Variants in ODF2L observed in about 807,000 individuals in gnomAD.
ODF2L encodes outer dense fiber of sperm tails 2 like.
ODF2L carries 76 observed loss-of-function variants against 86.3 expected under a neutral mutation model. That is an observed-to-expected ratio of 0.88 (90% CI 0.73 to 1.07). ODF2L has a LOEUF of 1.07. ODF2L is among the 50% of genes least tolerant of loss of function. ODF2L has a pLI of 0.00. For synonymous variants in ODF2L, 241 were observed against 231.3 expected, an observed-to-expected ratio of 1.04 and a Z score of -0.38; for missense variants, 748 against 717.4, an observed-to-expected ratio of 1.04 and a Z score of -0.49.
At chr1:86,395,044 C>A (rs897533924) in intron 1 of ODF2L, among the ~76,000 whole-genome samples, 1 of 151,986 alleles carries the variant, frequency 6.6e-6, no homozygotes, top group African/African-American at 2.4e-5. Context: ...GGGGTTTCAC[C>A]GTGTTGGCCA....
At chr1:86,359,159 G>C (rs186623454) in intron 12 of ODF2L, among the ~76,000 whole-genome samples, 1 of 151,410 alleles carries the variant, frequency 6.6e-6, no homozygotes, top group Non-Finnish European at 1.5e-5. Flanking sequence ...TTCATTTGCA[G>C]ATCAATGTCA....
chr1:86,394,966 G>A (rs1323837006), intron 1 of ODF2L, among the ~76,000 whole-genome samples: 1 of 149,432 alleles, frequency 6.7e-6, no homozygotes, highest in Non-Finnish European at 1.5e-5. Context: ...TCAGCCTCCC[G>A]AGTAGCTGGG....
At position 86,367,223 on chromosome 1, in the gene ODF2L, C is replaced by T. The variant is rs76108653; in HGVS notation, c.1143+1413G>A. On this transcript the variant is annotated intron_variant, in intron 11 of 17. Transcript: ENST00000317336. Reference sequence around the variant, plus strand: ...ATTACTTTCAATCTAGGTTGCTATACCCAGCTGAAACCATTAATCATAATG... The same window carrying T: ...ATTACTTTCAATCTAGGTTGCTATATCCAGCTGAAACCATTAATCATAATG... 6.5e-4 allele frequency among the ~76,000 whole-genome samples: 97 copies of T among 149,008 alleles called. 1 individual carries two copies. In the East Asian group the frequency reaches 0.023, roughly 36 times the overall value.
chr1:86,380,575 T>C (rs1660512013), intron 7 of ODF2L, among the ~76,000 whole-genome samples: 1 of 152,150 alleles, frequency 6.6e-6, no homozygotes, highest in Non-Finnish European at 1.5e-5. Flanking sequence ...TCACCAGATT[T>C]ATCAAATCCC....
At chr1:86,374,315 G>A (rs1256745661) in intron 8 of ODF2L, among the ~76,000 whole-genome samples, 1 of 151,936 alleles carries the variant, frequency 6.6e-6, no homozygotes, top group East Asian at 1.9e-4. Context: ...AAGATATTTA[G>A]AAGTTTTATC....
intron 11 of ODF2L, among the ~76,000 whole-genome samples, chr1:86,364,110 TTA>T (rs1659231981): frequency 6.6e-6 from 1 of 152,322 alleles, no homozygotes; most frequent in South Asian, 2.1e-4. Context: ...TTTATGACTT[TTA>T]TAGTCTATAT....
intron 13 of ODF2L, among the ~76,000 whole-genome samples, chr1:86,357,208 C>T (rs773705769): frequency 7.9e-5 from 12 of 152,102 alleles, no homozygotes; most frequent in African/African-American, 1.9e-4. Context: ...GCAGCACTTT[C>T]GTGGAGATGT....
At chr1:86,383,685 A>C (rs1445728241) in intron 4 of ODF2L, among the ~76,000 whole-genome samples, 1 of 151,802 alleles carries the variant, frequency 6.6e-6, no homozygotes, top group Non-Finnish European at 1.5e-5. Flanking sequence ...AATGTGAAAA[A>C]GCTATCAATT....
chr1:86,354,428 C>T (rs1570347494), intron 16 of ODF2L, 102 bp downstream of exon 15: 1 of 724,452 alleles, frequency 1.4e-6, no homozygotes, highest in East Asian at 2.6e-5. Context: ...TCCCTTCACC[C>T]TGTCATCAGG....
intron 13 of ODF2L, chr1:86,357,963 C>T (rs1434533136): frequency 1.0e-6 from 1 of 985,368 alleles, no homozygotes; most frequent in Middle Eastern, 5.2e-4. Context: ...TATTCGCTGG[C>T]CTGCTAAAAA....
chr1:86,389,741 A>T (rs1661187137), intron 1 of ODF2L, among the ~76,000 whole-genome samples: 1 of 152,126 alleles, frequency 6.6e-6, no homozygotes, highest in African/African-American at 2.4e-5. Context: ...ACAAAAGATC[A>T]CTCAGGCTAC....
chr1:86,348,977 A>G (rs1386690575), downstream of ODF2L: 1 of 1,237,028 alleles, frequency 8.1e-7, no homozygotes, highest in Non-Finnish European at 1.1e-6. Flanking sequence ...TAACTAGATA[A>G]TTCTTTTTGA....
chr1:86,356,681 T>C, intron 13 of ODF2L, 79 bp from the exon 13 acceptor site: 1 of 1,221,428 alleles, frequency 8.2e-7, no homozygotes, highest in Non-Finnish European at 1.1e-6. Context: ...ATACTAGATA[T>C]GCTTATAACG....
chr1:86,394,338 C>T (rs989460244), intron 1 of ODF2L, among the ~76,000 whole-genome samples: 21 of 151,854 alleles, frequency 1.4e-4, no homozygotes, highest in African/African-American at 4.8e-4. Flanking sequence ...ATCACTTGAA[C>T]CCGGGAGGCG....
chr1:86,354,528 A>G lies in ODF2L; in HGVS notation c.1767+2T>C. 6.3e-7 allele frequency: 1 copy of G among 1,578,074 alleles called. No homozygotes were observed. Among genetic ancestry groups the G allele is most frequent in the East Asian group, 2.2e-5 (1 of 44,636 alleles). On this transcript the variant is annotated splice_donor_variant, in intron 16 of 17. Coordinates refer to ENST00000317336, the Ensembl canonical transcript of ODF2L. LOFTEE classifies it high-confidence loss of function. ...AAGTTTCTAAATAAAGGCCATGCAT[A>G]CCTTTTGTCTTCCTTCTTCTAAAGC...
intron 7 of ODF2L, among the ~76,000 whole-genome samples, chr1:86,378,510 C>T (rs966356813): frequency 6.6e-6 from 1 of 152,172 alleles, no homozygotes; most frequent in South Asian, 2.1e-4. Flanking sequence ...CATTCTCACG[C>T]TGCTATAAAG....
chr1:86,375,467 T>C (rs533766002), intron 8 of ODF2L, among the ~76,000 whole-genome samples: 2 of 152,274 alleles, frequency 1.3e-5, no homozygotes, highest in East Asian at 3.9e-4. Flanking sequence ...TCTGTTTTCA[T>C]TTCTAAAAGC....
chr1:86,359,223 C>T (rs1204271460), intron 12 of ODF2L, among the ~76,000 whole-genome samples: 7 of 140,824 alleles, frequency 5.0e-5, no homozygotes, highest in Admixed American at 4.4e-4. Context: ...TTATTTTTCC[C>T]ACCAAATCAA....
chr1:86,395,436 G>C (rs1434696307), intron 1 of ODF2L, among the ~76,000 whole-genome samples: 1 of 152,108 alleles, frequency 6.6e-6, no homozygotes, highest in Non-Finnish European at 1.5e-5. Flanking sequence ...ATCCAGGAAG[G>C]TTCAGTGACC....
Sources: allele counts gnomAD v4.1 joint callset (sites outside exome capture counted in the v4.1 genomes callset), GRCh38; gene constraint gnomAD v4.1.1; transcripts MANE v1.5; gene names NCBI Gene and HGNC (gene_info 2026-07-23, HGNC 2026-07-21).